POM121: variants seen among roughly 807,000 people sequenced by gnomAD.
The protein encoded by POM121 is nuclear envelope pore membrane protein POM 121.
In POM121, 32 loss-of-function variants were observed where a neutral mutation model predicts 81.3. The ratio of observed to expected loss-of-function variants is 0.39; its 90% confidence interval spans 0.30 to 0.53. The LOEUF is 0.53. Ranked by LOEUF, POM121 falls within the 20% of genes least tolerant of loss-of-function variation. The pLI is 0.66. For missense variants in POM121, 1,138 were observed against 1,614.6 expected, an observed-to-expected ratio of 0.70 and a Z score of 5.06; for synonymous variants, 514 against 694.2, an observed-to-expected ratio of 0.74 and a Z score of 4.08.
At chr7:72,928,246 T>G in intron 3 of POM121, 139 bp from the exon 4 acceptor site, 1 of 1,279,542 alleles carries the variant, frequency 7.8e-7, no homozygotes, top group East Asian at 2.3e-5. Flanking sequence ...AGCTTAGGGA[T>G]TTTAAACAAC....
chr7:72,943,656 G>C, intron 11 of POM121, 134 bp downstream of exon 11: 1 of 1,433,586 alleles, frequency 7.0e-7, no homozygotes, highest in South Asian at 1.5e-5. Flanking sequence ...TGAGATGCCA[G>C]GGAACGATAC....
At chr7:72,896,375 A>G (rs1265101803) in intron 3 of POM121, among the ~76,000 whole-genome samples, 6 of 150,608 alleles carry the variant, frequency 4.0e-5, no homozygotes, top group African/African-American at 1.5e-4. Flanking sequence ...AGTCCCAGCT[A>G]TTCAGGAGGC....
chr7:72,922,531 C>A (rs1554496146), upstream of POM121, among the ~76,000 whole-genome samples: 1 of 151,606 alleles, frequency 6.6e-6, no homozygotes, highest in Non-Finnish European at 1.5e-5. Flanking sequence ...GTACTACAGG[C>A]ACGTGGCACC....
intron 3 of POM121, among the ~76,000 whole-genome samples, chr7:72,894,626 G>GAGAGAGAGAGAGAGAGAAAGAGAGAGAGA (rs1365638069): frequency 1.3e-4 from 3 of 23,346 alleles, no homozygotes; most frequent in Admixed American, 5.7e-4. Context: ...GAGAGAGAGA[G>GAGAGAGAGAGAGAGAGAAAGAGAGAGAGA]GAGAGAGAGA....
chr7:72,905,387 A>C (rs182764540), intron 3 of POM121, among the ~76,000 whole-genome samples: 18 of 152,184 alleles, frequency 1.2e-4, no homozygotes, highest in Admixed American at 1.0e-3. Flanking sequence ...ATTTTGTATG[A>C]TTTCAGTTAT....
At chr7:72,892,487 C>G (rs1321169142) in intron 3 of POM121, among the ~76,000 whole-genome samples, 1 of 152,224 alleles carries the variant, frequency 6.6e-6, no homozygotes, top group Non-Finnish European at 1.5e-5. Flanking sequence ...TCAGCACATT[C>G]TGTTTCTTTT....
At chr7:72,948,566 C>G, downstream of POM121, 8 of 1,613,124 alleles carry the variant, frequency 5.0e-6, no homozygotes, top group Non-Finnish European at 5.9e-6. Flanking sequence ...GGTGTGCGTT[C>G]TGGTGCTGAT....
At chr7:72,933,609 C>T in intron 5 of POM121, among the ~76,000 whole-genome samples, 1 of 152,186 alleles carries the variant, frequency 6.6e-6, no homozygotes, top group Admixed American at 6.5e-5. Context: ...GCTCCTCACG[C>T]GTTGCTGGTG....
intron 8 of POM121, 121 bp downstream of exon 8, chr7:72,940,089 C>T: frequency 1.6e-6 from 2 of 1,266,028 alleles, no homozygotes; most frequent in East Asian, 2.6e-5. Flanking sequence ...TTTTTTGAGA[C>T]AACATCCCTC....
intron 5 of POM121, among the ~76,000 whole-genome samples, chr7:72,931,127 C>T (rs1795977899): frequency 6.6e-6 from 1 of 152,078 alleles, no homozygotes; most frequent in African/African-American, 2.4e-5. Context: ...ACCGTAATAT[C>T]ATTATCCCTC....
upstream of POM121, among the ~76,000 whole-genome samples, chr7:72,923,532 C>T (rs1440385400): frequency 5.3e-5 from 8 of 151,948 alleles, no homozygotes; most frequent in Non-Finnish European, 1.0e-4. Flanking sequence ...AAGCAATTCT[C>T]CTGCCTCAGC....
chr7:72,937,377 T>G (rs1348172420), intron 5 of POM121, among the ~76,000 whole-genome samples: 1 of 152,022 alleles, frequency 6.6e-6, no homozygotes, highest in African/African-American at 2.4e-5. Context: ...TTTGATGAAT[T>G]TTTGTATTCT....
chr7:72,945,341 G>A (rs1394654423), intron 11 of POM121, among the ~76,000 whole-genome samples: 3 of 151,848 alleles, frequency 2.0e-5, no homozygotes, highest in African/African-American at 4.8e-5. Flanking sequence ...AGGTGGCTGC[G>A]GGGCAGGGGG....
intron 4 of POM121, among the ~76,000 whole-genome samples, chr7:72,929,232 C>A (rs1337390276): frequency 6.6e-6 from 1 of 152,064 alleles, no homozygotes; most frequent in Non-Finnish European, 1.5e-5. Context: ...ACAATGGTCT[C>A]CAAAAAACCA....
intron 3 of POM121, among the ~76,000 whole-genome samples, chr7:72,897,101 G>A (rs1243493825): frequency 5.3e-5 from 8 of 151,566 alleles, no homozygotes; most frequent in African/African-American, 1.9e-4. Context: ...GCAGTGAGCC[G>A]AGATCGTGCC....
chr7:72,897,133 C>A (rs1380401654), intron 3 of POM121, among the ~76,000 whole-genome samples: 1 of 152,172 alleles, frequency 6.6e-6, no homozygotes, highest in South Asian at 2.1e-4. Context: ...GCCTGGGCAA[C>A]AGAGCAAGAC....
At chr7:72,893,231 T>A (rs1392455220) in intron 3 of POM121, among the ~76,000 whole-genome samples, 41 of 151,938 alleles carry the variant, frequency 2.7e-4, no homozygotes, top group African/African-American at 8.7e-4. Flanking sequence ...AGTGCTGGGA[T>A]TACAGGCGTG....
At chr7:72,880,216 TTAAG>T (rs1291683003) in intron 1 of POM121, among the ~76,000 whole-genome samples, 1 of 152,178 alleles carries the variant, frequency 6.6e-6, no homozygotes, top group Non-Finnish European at 1.5e-5. Flanking sequence ...ATTCTCTCAC[TTAAG>T]TGTCTGCTGA....
intron 1 of POM121, among the ~76,000 whole-genome samples, chr7:72,888,671 T>A (rs574811623): frequency 1.4e-5 from 2 of 147,834 alleles, no homozygotes; most frequent in African/African-American, 5.0e-5. Context: ...GACTGAGGCA[T>A]AAGAGTGTGT....
Sources: gnomAD v4.1 joint callset for allele counts (sites outside exome capture counted in the v4.1 genomes callset) on GRCh38, gnomAD v4.1.1 for gene constraint, MANE v1.5 for transcripts, NCBI Gene and HGNC (gene_info 2026-07-23, HGNC 2026-07-21) for gene names.